The following CLEC4C variants were observed in gnomAD, a reference collection of about 807,000 sequenced individuals.
CLEC4C encodes the protein C-type (calcium dependent, carbohydrate-recognition domain) lectin, superfamily member 11.
Under a neutral mutation model 27.7 loss-of-function variants are expected in CLEC4C, and 17 were observed. That is an observed-to-expected ratio of 0.61 (90% confidence interval 0.42 to 0.92). CLEC4C has a LOEUF of 0.92. CLEC4C is among the 40% of genes least tolerant of loss of function. CLEC4C has a pLI of 0.00. For missense variants in CLEC4C, 244 were observed against 257.3 expected (o/e 0.95, Z 0.35); for synonymous variants, 80 against 80.8 (o/e 0.99, Z 0.06).
chr12:7,729,678 G>A lies in CLEC4C; in HGVS notation c.560C>T (p.Ser187Phe). Residue 187 changes from serine to phenylalanine, a missense_variant, in exon 6 of 6, where the codon TCT (serine) becomes TTT (phenylalanine). Transcript: ENST00000360345. Reference protein sequence around the residue: ...DERCAIINFRSSEEWGWNDIH... With the variant: ...DERCAIINFRFSEEWGWNDIH... The stretch of plus-strand genomic sequence containing the variant: ...GTCATTCCAGCCCCATTCTTCTGAA[G>A]AACGGAAATTTATTATCGCACAACG... 2 of 1,613,820 alleles carry A rather than the reference G, an allele frequency of 1.2e-6. No homozygotes were observed. The highest frequency in any genetic ancestry group is 1.7e-6 in the Non-Finnish European group (2 of 1,179,740).
chr12:7,735,615 G>A (rs1434729853), intron 4 of CLEC4C, among the ~76,000 whole-genome samples: 1 of 151,672 alleles, frequency 6.6e-6, no homozygotes, highest in East Asian at 1.9e-4. Flanking sequence ...GACTAGCCTG[G>A]CCAATATGGT....
intron 4 of CLEC4C, among the ~76,000 whole-genome samples, chr12:7,732,536 T>C (rs1864620714): frequency 6.7e-6 from 1 of 150,046 alleles, no homozygotes; most frequent in Non-Finnish European, 1.5e-5. Context: ...GTATTTTTAG[T>C]AGAGATGGGG....
At chr12:7,735,704 C>CTG (rs200586581) in intron 4 of CLEC4C, among the ~76,000 whole-genome samples, 33,637 of 147,532 alleles carry the variant, frequency 0.23, 4,388 homozygotes, top group Admixed American at 0.32. Context: ...ACTCGGGAGA[C>CTG]AGAGAGGAGA....
intron 4 of CLEC4C, among the ~76,000 whole-genome samples, chr12:7,734,699 C>T (rs1366627076): frequency 6.6e-6 from 1 of 151,846 alleles, no homozygotes; most frequent in Non-Finnish European, 1.5e-5. Flanking sequence ...CAGGCATGTG[C>T]CACCATGCCG....
chr12:7,748,266 G>A (rs1164598799), upstream of CLEC4C, among the ~76,000 whole-genome samples: 2 of 152,190 alleles, frequency 1.3e-5, no homozygotes, highest in African/African-American at 4.8e-5. Flanking sequence ...GGTGGCTCAT[G>A]CCTATAATCC....
At chr12:7,736,580 G>T (rs767515874) in intron 4 of CLEC4C, among the ~76,000 whole-genome samples, 2 of 151,812 alleles carry the variant, frequency 1.3e-5, no homozygotes, top group Non-Finnish European at 2.9e-5. Context: ...CAACATCAAT[G>T]TTTGCCTGAA....
upstream of CLEC4C, among the ~76,000 whole-genome samples, chr12:7,748,050 G>A (rs1332753073): frequency 1.3e-5 from 2 of 151,760 alleles, no homozygotes; most frequent in Non-Finnish European, 2.9e-5. Flanking sequence ...GAGCCACCAC[G>A]TGCCCGGCCA....
intron 4 of CLEC4C, among the ~76,000 whole-genome samples, chr12:7,731,947 C>G (rs1292841798): frequency 6.6e-6 from 1 of 152,140 alleles, no homozygotes; most frequent in African/African-American, 2.4e-5. Context: ...GAATGAGACT[C>G]TGTGTCCAAA....
intron 4 of CLEC4C, among the ~76,000 whole-genome samples, chr12:7,734,104 T>G (rs947285468): frequency 6.6e-6 from 1 of 152,154 alleles, no homozygotes; most frequent in African/African-American, 2.4e-5. Flanking sequence ...ACATAGGTTT[T>G]CAGATTATTT....
At chr12:7,742,465 C>T (rs940594494) in intron 2 of CLEC4C, among the ~76,000 whole-genome samples, 1 of 148,164 alleles carries the variant, frequency 6.7e-6, no homozygotes, top group African/African-American at 2.5e-5. Flanking sequence ...GAGCAGAGAC[C>T]GTGCCATTGC....
At chr12:7,734,142 T>C (rs775004570) in intron 4 of CLEC4C, among the ~76,000 whole-genome samples, 17 of 152,294 alleles carry the variant, frequency 1.1e-4, no homozygotes, top group African/African-American at 2.2e-4. Context: ...ATACGAGACA[T>C]TGTTAGTGGT....
At chr12:7,748,228 A>G (rs1419209060), upstream of CLEC4C, among the ~76,000 whole-genome samples, 2 of 152,196 alleles carry the variant, frequency 1.3e-5, no homozygotes, top group African/African-American at 4.8e-5. Context: ...ATTGTAGAGT[A>G]GTGAGAAAAA....
At chr12:7,736,505 C>G (rs1003177134) in intron 4 of CLEC4C, among the ~76,000 whole-genome samples, 1 of 152,092 alleles carries the variant, frequency 6.6e-6, no homozygotes, top group African/African-American at 2.4e-5. Flanking sequence ...TTCAAATTCA[C>G]TATTTTATTT....
Position 7,741,524 on chromosome 12 carries a change from G to A in CLEC4C, c.132C>T (p.His44=), listed in dbSNP as rs750834907. 1.3e-6 allele frequency: 2 copies of A among 1,563,692 alleles called. No homozygotes were observed. The highest frequency in any genetic ancestry group is 2.2e-5 in the South Asian group (2 of 90,040). Residue 44 remains histidine (H), a synonymous_variant, in exon 3 of 6, where the codon CAC becomes CAT. Coordinates refer to ENST00000360345, the MANE Select transcript of CLEC4C (RefSeq NM_001371390.1). The part of the protein sequence containing the change: ...VCFTVSSVVP[H]NFMYSKTVKR... The stretch of plus-strand genomic sequence containing the variant: ...TGACAGTTTTGCTATACATAAAATT[G>A]TGAGGCACTGGGAAAGAGAAATCGG...
At chr12:7,736,640 G>A (rs1864732460) in intron 4 of CLEC4C, among the ~76,000 whole-genome samples, 1 of 152,110 alleles carries the variant, frequency 6.6e-6, no homozygotes, top group Non-Finnish European at 1.5e-5. Context: ...CAGACGTGGT[G>A]GCTCACACCT....
chr12:7,745,945 G>A (rs1031602033), intron 2 of CLEC4C, among the ~76,000 whole-genome samples: 8 of 151,836 alleles, frequency 5.3e-5, no homozygotes, highest in Admixed American at 2.0e-4. Context: ...GCCGGGCGCG[G>A]TGGCTCACAC....
intron 5 of CLEC4C, among the ~76,000 whole-genome samples, chr12:7,729,980 C>T (rs1424014624): frequency 6.6e-6 from 1 of 152,186 alleles, no homozygotes; most frequent in Non-Finnish European, 1.5e-5. Flanking sequence ...TCATCTTAAT[C>T]AACTCAAGCA....
In CLEC4C at chr12:7,741,402, G is replaced by A. The variant is rs762557401; in HGVS notation, c.235+19C>T. 4 of 1,293,810 alleles carry A rather than the reference G, an allele frequency of 3.1e-6. No individual in the cohort carries two copies. Among genetic ancestry groups the A allele is most frequent in the African/African-American group, 2.9e-5 (2 of 69,396 alleles). 80.1% of individuals were successfully genotyped at this position (1,293,810 alleles called of 1,614,324 possible). A position where few individuals can be genotyped will look rare whatever the true frequency, so the allele number is the denominator to read the frequency against. On this transcript the variant is annotated intron_variant, in intron 3 of 5. Transcript: ENST00000360345. ...GATTAATAGCAAGGGAAGTCTTGTTGCCCATTGCAGAGTTGTACCTTCTAT... is the reference window on the plus strand; with the variant it reads ...GATTAATAGCAAGGGAAGTCTTGTTACCCATTGCAGAGTTGTACCTTCTAT...
chr12:7,734,915 C>T lies in CLEC4C; in HGVS notation c.381+2514G>A, dbSNP rs148130331. Among the ~76,000 whole-genome samples, 705 of 151,996 alleles carry T rather than the reference C, an allele frequency of 4.6e-3. 4 individuals carry two copies. Among genetic ancestry groups the T allele is most frequent in the African/African-American group, 0.016 (669 of 41,498 alleles). On this transcript the variant is annotated intron_variant, in intron 4 of 5. Coordinates refer to ENST00000360345, the MANE Select transcript of CLEC4C (RefSeq NM_001371390.1). Reference sequence around the variant, plus strand: ...CACACAAGGATAATTTGAAACATTCCATAGGCCAGGCATGGTGTCTCAGGC... The same window carrying T: ...CACACAAGGATAATTTGAAACATTCTATAGGCCAGGCATGGTGTCTCAGGC...
Sources: gnomAD v4.1 joint callset for allele counts (sites outside exome capture counted in the v4.1 genomes callset) on GRCh38, gnomAD v4.1.1 for gene constraint, MANE v1.5 for transcripts, NCBI Gene and HGNC (gene_info 2026-07-23, HGNC 2026-07-21) for gene names.